Variants in VAV3 observed in about 807,000 individuals in gnomAD.
VAV3 encodes guanine nucleotide exchange factor VAV3.
A neutral mutation model predicts 131.2 loss-of-function variants in VAV3; 94 were observed. The observed-to-expected ratio is 0.72, with a 90% CI of 0.61 to 0.85. The LOEUF is 0.85. Ranked by LOEUF, VAV3 falls within the 40% of genes least tolerant of loss-of-function variation. The pLI, the probability that VAV3 is intolerant of heterozygous loss-of-function variation, is 0.00. For missense variants in VAV3, 939 were observed against 1,002.7 expected (o/e 0.94, Z 0.86); for synonymous variants, 349 against 342.0 (o/e 1.02, Z -0.22).
intron 19 of VAV3, among the ~76,000 whole-genome samples, chr1:107,673,252 T>C (rs962591525): frequency 2.6e-5 from 4 of 152,246 alleles, no homozygotes; most frequent in African/African-American, 9.6e-5. Context: ...GTCACTCCTC[T>C]GGATAAAACC....
intron 1 of VAV3, among the ~76,000 whole-genome samples, chr1:107,875,585 G>T (rs576375881): frequency 1.3e-5 from 2 of 152,250 alleles, no homozygotes; most frequent in East Asian, 3.9e-4. Context: ...AGTGAGTAAT[G>T]GGGGGAAAAG....
chr1:107,644,831 T>C (rs1013969684), intron 19 of VAV3, among the ~76,000 whole-genome samples: 1 of 151,970 alleles, frequency 6.6e-6, no homozygotes, highest in Admixed American at 6.6e-5. Flanking sequence ...TCATATGTCT[T>C]TCTGTAGATG....
chr1:107,657,247 G>A (rs1308108365), intron 19 of VAV3, among the ~76,000 whole-genome samples: 2 of 152,022 alleles, frequency 1.3e-5, no homozygotes, highest in African/African-American at 2.4e-5. Context: ...GAGCCACCAC[G>A]CCCGGCCTCT....
At chr1:107,737,824 A>G (rs192552066) in intron 15 of VAV3, among the ~76,000 whole-genome samples, 11 of 152,340 alleles carry the variant, frequency 7.2e-5, no homozygotes, top group Admixed American at 7.2e-4. Flanking sequence ...AGAACTAGAA[A>G]TACCATTTGA....
chr1:107,715,616 T>C (rs1018653864), intron 15 of VAV3, among the ~76,000 whole-genome samples: 14 of 152,338 alleles, frequency 9.2e-5, no homozygotes, highest in African/African-American at 2.9e-4. Context: ...ACAATCATGG[T>C]TCTCCAGTTA....
chr1:107,736,150 T>G (rs143349593), intron 15 of VAV3, among the ~76,000 whole-genome samples: 1 of 152,290 alleles, frequency 6.6e-6, no homozygotes, highest in East Asian at 1.9e-4. Flanking sequence ...TTCAACAAAA[T>G]TCAACAGTCC....
At chr1:107,889,230 T>G (rs1023148759) in intron 1 of VAV3, among the ~76,000 whole-genome samples, 3 of 151,222 alleles carry the variant, frequency 2.0e-5, no homozygotes, top group Non-Finnish European at 4.4e-5. Flanking sequence ...ACCTCCAAAT[T>G]CTGTTATTGT....
intron 15 of VAV3, among the ~76,000 whole-genome samples, chr1:107,718,552 CAA>C (rs1379326712): frequency 6.6e-6 from 1 of 151,982 alleles, no homozygotes; most frequent in Non-Finnish European, 1.5e-5. Flanking sequence ...TCAACAAAAT[CAA>C]AGAGGACACA....
chr1:107,773,174 A>C (rs1489552203), intron 4 of VAV3, among the ~76,000 whole-genome samples: 2 of 152,234 alleles, frequency 1.3e-5, no homozygotes, highest in Admixed American at 1.3e-4. Context: ...TAAAGAGATG[A>C]GGAAGTTGAA....
intron 10 of VAV3, among the ~76,000 whole-genome samples, chr1:107,760,540 T>C (rs938498669): frequency 6.6e-6 from 1 of 152,236 alleles, no homozygotes; most frequent in Non-Finnish European, 1.5e-5. Context: ...TGTTTTTAAT[T>C]ATTTTCTAGG....
At position 107,772,641 on chromosome 1, in the gene VAV3, A is replaced by G. The variant is rs1570931984; in HGVS notation, c.555+94T>C. On this transcript the variant is annotated intron_variant, in intron 5 of 26. Coordinates refer to ENST00000370056, the MANE Select transcript of VAV3 (RefSeq NM_006113.5). ...TAGTTATAAGCAAGCAAAGGTTAAA[A>G]AAAATCCCAGCAGATGTTACATAAA... The G allele has an allele frequency of 2.7e-6, 3 of 1,109,538 alleles. No individual in the cohort carries two copies. In the East Asian group the frequency reaches 7.7e-5, roughly 28 times the overall value. The allele number at this position is 1,109,538 out of a possible 1,614,324, so 68.7% of individuals were successfully genotyped here. A position where few individuals can be genotyped will look rare whatever the true frequency, so the allele number is the denominator to read the frequency against.
intron 15 of VAV3, among the ~76,000 whole-genome samples, chr1:107,710,505 G>A (rs764851560): frequency 1.4e-4 from 21 of 152,074 alleles, no homozygotes; most frequent in Non-Finnish European, 2.2e-4. Flanking sequence ...ACCAAATACA[G>A]ATTACTTATT....
intron 2 of VAV3, among the ~76,000 whole-genome samples, chr1:107,826,153 C>G (rs1166259030): frequency 3.3e-5 from 5 of 152,028 alleles, no homozygotes; most frequent in African/African-American, 1.2e-4. Context: ...CTAACTTCTA[C>G]TACTTACCAA....
At chr1:107,880,137 T>C (rs985286881) in intron 1 of VAV3, among the ~76,000 whole-genome samples, 4 of 152,178 alleles carry the variant, frequency 2.6e-5, no homozygotes, top group African/African-American at 9.7e-5. Context: ...GTTTGGCAAG[T>C]GCAATGAAGA....
At chr1:107,852,547 G>A in intron 2 of VAV3, among the ~76,000 whole-genome samples, 1 of 152,114 alleles carries the variant, frequency 6.6e-6, no homozygotes, top group Middle Eastern at 3.2e-3. Context: ...CATTAATTGT[G>A]AGGATTTATT....
intron 21 of VAV3, among the ~76,000 whole-genome samples, chr1:107,613,060 T>C (rs1268877464): frequency 2.6e-5 from 4 of 152,150 alleles, no homozygotes; most frequent in African/African-American, 4.8e-5. Flanking sequence ...ATTGGTCCAA[T>C]AGGAGCTATT....
chr1:107,690,572 T>G (rs1659362613), intron 17 of VAV3, among the ~76,000 whole-genome samples: 1 of 152,160 alleles, frequency 6.6e-6, no homozygotes, highest in Non-Finnish European at 1.5e-5. Flanking sequence ...TCTACCTTAC[T>G]TAGCTATCCC....
At position 107,751,221 on chromosome 1, in the gene VAV3, A is replaced by G. The variant is rs1208869550; in HGVS notation, c.1174-19T>C. ...GTTGGTTCTAAAATATAAAATGCAC[A>G]TGTCAGAGTTTTTCATAATCACATG... On this transcript the variant is annotated intron_variant, in intron 12 of 26. Coordinates refer to ENST00000370056, the MANE Select transcript of VAV3 (RefSeq NM_006113.5). 12 of 1,580,552 alleles carry G rather than the reference A, an allele frequency of 7.6e-6. No homozygotes were observed. The highest frequency in any genetic ancestry group is 3.7e-5 in the Admixed American group (2 of 54,138).
intron 25 of VAV3, chr1:107,576,408 GGAA>G (rs1558060804): frequency 6.6e-7 from 1 of 1,523,386 alleles, no homozygotes; most frequent in Non-Finnish European, 8.8e-7. Flanking sequence ...AGAAAGGAGT[GGAA>G]GAAGGGGGAA....
Sources: gnomAD v4.1 joint callset for allele counts (sites outside exome capture counted in the v4.1 genomes callset) on GRCh38, gnomAD v4.1.1 for gene constraint, MANE v1.5 for transcripts, NCBI Gene and HGNC (gene_info 2026-07-23, HGNC 2026-07-21) for gene names.